Variants in UBE2E1 observed in about 807,000 individuals in gnomAD.
UBE2E1 encodes ubiquitin-conjugating enzyme E2 E1.
Under a neutral mutation model 21.4 loss-of-function variants are expected in UBE2E1, and 6 were observed. The ratio of observed to expected loss-of-function variants is 0.28; its 90% confidence interval spans 0.15 to 0.55. UBE2E1 has a LOEUF of 0.55. UBE2E1 is among the 20% of genes least tolerant of loss of function. UBE2E1 has a pLI of 0.93. For missense variants in UBE2E1, 142 were observed against 236.5 expected (o/e 0.60, Z 2.62); for synonymous variants, 87 against 82.7 (o/e 1.05, Z -0.28).
chr3:23,831,526 T>TC (rs1699865907), intron 3 of UBE2E1, among the ~76,000 whole-genome samples: 1 of 150,054 alleles, frequency 6.7e-6, no homozygotes, highest in Non-Finnish European at 1.5e-5. Context: ...TACTTTTTTT[T>TC]TTTTTTTCGA....
chr3:23,812,322 A>G lies in UBE2E1; in HGVS notation c.203+812A>G, dbSNP rs532438243. Among the ~76,000 whole-genome samples, 206 of 152,320 alleles carry G rather than the reference A, an allele frequency of 1.4e-3. 2 individuals carry two copies. Among genetic ancestry groups the G allele is most frequent in the African/African-American group, 4.0e-3 (166 of 41,574 alleles). On this transcript the variant is annotated intron_variant, in intron 3 of 5. Coordinates refer to ENST00000306627, the MANE Select transcript of UBE2E1 (RefSeq NM_003341.5). ...AAAAATTAAGTATAACATTTAACCT[A>G]GTTCTCAAGATCGGCGTTGGAAAGG... is the stretch of plus-strand genomic sequence containing the variant.
intron 3 of UBE2E1, among the ~76,000 whole-genome samples, chr3:23,868,792 A>G (rs939665416): frequency 9.2e-5 from 14 of 152,168 alleles, no homozygotes; most frequent in Non-Finnish European, 1.9e-4. Context: ...TCCTGCAAGT[A>G]TAACCACTAT....
At chr3:23,830,900 A>G (rs1213265670) in intron 3 of UBE2E1, among the ~76,000 whole-genome samples, 2 of 152,102 alleles carry the variant, frequency 1.3e-5, no homozygotes, top group Non-Finnish European at 2.9e-5. Context: ...AACATTAGAA[A>G]CTCATTTAAA....
chr3:23,845,619 G>GTGTGTGTA (rs1281829074), intron 3 of UBE2E1, among the ~76,000 whole-genome samples: 4 of 151,144 alleles, frequency 2.6e-5, no homozygotes, highest in African/African-American at 9.7e-5. Flanking sequence ...GTGTGTGTAT[G>GTGTGTGTA]TGTGTGTATG....
intron 3 of UBE2E1, among the ~76,000 whole-genome samples, chr3:23,882,983 A>C (rs1357428076): frequency 6.6e-6 from 1 of 152,188 alleles, no homozygotes; most frequent in Non-Finnish European, 1.5e-5. Context: ...AGGGGCTCCC[A>C]CAGTGCAGCA....
rs539791662 is a variant in UBE2E1 at position 23,890,688 on chromosome 3, G to T, written c.*82G>T. 188 of 1,089,194 alleles carry T rather than the reference G, an allele frequency of 1.7e-4. 2 individuals are homozygous for T. The highest frequency in any genetic ancestry group is 2.4e-4 in the Non-Finnish European group (182 of 755,524). The allele number at this position is 1,089,194 out of a possible 1,614,324, so 67.5% of individuals were successfully genotyped here. A position where few individuals can be genotyped will look rare whatever the true frequency, so the allele number is the denominator to read the frequency against. ...ATTTTGAAGGGGTCAGGGAGGGTGGGAGTTGGTAAAGAGTAGGGTATTTCT... is the reference window on the plus strand; with the variant it reads ...ATTTTGAAGGGGTCAGGGAGGGTGGTAGTTGGTAAAGAGTAGGGTATTTCT... On this transcript the variant is annotated 3_prime_UTR_variant, in exon 6 of 6. Transcript: ENST00000306627.
chr3:23,847,488 A>ATTTTTTTTTTTTT (rs71057627), intron 3 of UBE2E1, among the ~76,000 whole-genome samples: 2 of 96,130 alleles, frequency 2.1e-5, no homozygotes, highest in Non-Finnish European at 4.0e-5. Flanking sequence ...TGTACTTTAA[A>ATTTTTTTTTTTTT]TTTTTTTTTT....
At chr3:23,838,155 C>T (rs143395773) in intron 3 of UBE2E1, among the ~76,000 whole-genome samples, 1 of 152,208 alleles carries the variant, frequency 6.6e-6, no homozygotes, top group East Asian at 1.9e-4. Context: ...GCAGTCTCAG[C>T]CTCCCGGGCT....
chr3:23,885,582 C>T (rs957384056), intron 3 of UBE2E1, among the ~76,000 whole-genome samples: 6 of 152,052 alleles, frequency 3.9e-5, no homozygotes, highest in Non-Finnish European at 5.9e-5. Context: ...AATCTCTGGC[C>T]GGGTGCGATG....
Position 23,887,061 on chromosome 3 carries a change from A to G in UBE2E1, c.204-506A>G, listed in dbSNP as rs909883175. ...ACTTACCATTCTCCTCCCACCTAAC[A>G]TGGACATACTTTTTACATTATAAAC... On this transcript the variant is annotated intron_variant, in intron 3 of 5. Transcript: ENST00000306627. The surrounding 1 kb of genome is among the most constrained non-coding windows in gnomAD (Gnocchi z 4.4). Among the ~76,000 whole-genome samples, 4 of 152,212 alleles carry G rather than the reference A, an allele frequency of 2.6e-5. No homozygotes were observed. The highest frequency in any genetic ancestry group is 4.8e-5 in the African/African-American group (2 of 41,448).
chr3:23,889,842 A>G (rs1701318780), intron 5 of UBE2E1: 1 of 788,198 alleles, frequency 1.3e-6, no homozygotes, highest in Admixed American at 6.2e-5. Flanking sequence ...GTGAGCCATG[A>G]GCATGTCACT....
At chr3:23,833,946 C>T (rs113416448) in intron 3 of UBE2E1, among the ~76,000 whole-genome samples, 2,304 of 151,646 alleles carry the variant, frequency 0.015, 44 homozygotes, top group African/African-American at 0.051. Flanking sequence ...TGCAGTCAGC[C>T]GTGTTTGTAC....
chr3:23,871,890 T>C (rs1396054121), intron 3 of UBE2E1, among the ~76,000 whole-genome samples: 1 of 142,026 alleles, frequency 7.0e-6, no homozygotes, highest in South Asian at 2.3e-4. Context: ...CTTTCCAGAC[T>C]GGGCAGCCAG....
At chr3:23,873,210 G>A (rs957461346) in intron 3 of UBE2E1, among the ~76,000 whole-genome samples, 2 of 152,172 alleles carry the variant, frequency 1.3e-5, no homozygotes, top group Non-Finnish European at 2.9e-5. Context: ...AAAATGGTAA[G>A]TCATGTTTTA....
intron 3 of UBE2E1, among the ~76,000 whole-genome samples, chr3:23,839,803 T>G (rs1009006344): frequency 1.5e-4 from 23 of 152,236 alleles, no homozygotes; most frequent in African/African-American, 4.1e-4. Context: ...TCTGTAATCC[T>G]TAGTTTGTTT....
intron 3 of UBE2E1, among the ~76,000 whole-genome samples, chr3:23,868,508 C>T (rs934458637): frequency 6.6e-6 from 1 of 151,940 alleles, no homozygotes; most frequent in Non-Finnish European, 1.5e-5. Context: ...GGGGTTTCAC[C>T]ATATTGGCCA....
chr3:23,842,198 G>GGGGGGTGTGTGTGTGTGTGTGT lies in UBE2E1; in HGVS notation c.203+30689_203+30690insGGGGTGTGTGTGTGTGTGTGTG, dbSNP rs1553637704. ...TATGTCATGACCCAGTAAGTGAAGG[G>GGGGGGTGTGTGTGTGTGTGTGT]GTGTGTGTGTGTGTGTGTGTGTGTG... On this transcript the variant is annotated intron_variant, in intron 3 of 5. Coordinates refer to ENST00000306627, the MANE Select transcript of UBE2E1 (RefSeq NM_003341.5). The surrounding 1 kb of genome is among the most constrained non-coding windows in gnomAD (Gnocchi z 4.6). Among the ~76,000 whole-genome samples the GGGGGGTGTGTGTGTGTGTGTGT allele has an allele frequency of 9.6e-6, 1 of 104,284 alleles. No individual in the cohort carries two copies. Among genetic ancestry groups the GGGGGGTGTGTGTGTGTGTGTGT allele is most frequent in the African/African-American group, 3.6e-5 (1 of 27,628 alleles). 68.4% of individuals were successfully genotyped at this position (104,284 alleles called of 152,430 possible).
intron 3 of UBE2E1, chr3:23,879,110 C>CTA: frequency 1.9e-6 from 1 of 523,468 alleles, no homozygotes; most frequent in Non-Finnish European, 3.7e-6. Context: ...CTGTTAGCAA[C>CTA]TATAAGTAGA....
intron 3 of UBE2E1, among the ~76,000 whole-genome samples, chr3:23,874,156 C>A (rs570671249): frequency 4.6e-5 from 7 of 152,292 alleles, no homozygotes; most frequent in African/African-American, 1.4e-4. Flanking sequence ...TAATGGGAGA[C>A]CTTTAGCTAA....
Sources: allele counts gnomAD v4.1 joint callset (sites outside exome capture counted in the v4.1 genomes callset), GRCh38; gene constraint gnomAD v4.1.1; non-coding constraint Gnocchi (gnomAD v3.1); transcripts MANE v1.5; gene names NCBI Gene and HGNC (gene_info 2026-07-23, HGNC 2026-07-21).